Variants in SPTA1 observed in about 807,000 individuals in gnomAD.
SPTA1 encodes spectrin alpha, erythrocytic 1, also known as spectrin alpha chain, erythrocytic 1.
A neutral mutation model predicts 324.7 loss-of-function variants in SPTA1; 177 were observed. The observed-to-expected ratio is 0.55, with a 90% CI of 0.48 to 0.62. The LOEUF (loss-of-function observed/expected upper bound fraction) is 0.62, where lower values mean the gene tolerates loss of function less well. Ranked by LOEUF, SPTA1 falls within the 20% of genes least tolerant of loss-of-function variation. The pLI is 0.00. For synonymous variants in SPTA1, 1,195 were observed against 1,041.3 expected, an observed-to-expected ratio of 1.15 and a Z score of -2.84; for missense variants, 3,162 against 2,883.6, an observed-to-expected ratio of 1.10 and a Z score of -2.21.
Position 158,642,900 on chromosome 1 carries a change from G to T in SPTA1, c.4519C>A (p.Arg1507=), listed in dbSNP as rs1651716612. Residue 1507 remains arginine (R), a synonymous_variant, in exon 32 of 52, where the codon CGA becomes AGA. Transcript: ENST00000643759. ...GDYANLKQFY[R]DLEELEEWIS... is the part of the protein sequence containing the mutation. The stretch of plus-strand genomic sequence containing the variant: ...CATTCTTCCAGCTCCTCAAGGTCTC[G>T]GTAGAATTGTTTTAGGTTGGCATAG... 2 of 1,613,778 alleles carry T rather than the reference G, an allele frequency of 1.2e-6. No homozygotes were observed. Among genetic ancestry groups the T allele is most frequent in the Non-Finnish European group, 8.5e-7 (1 of 1,179,856 alleles).
At chr1:158,658,865 A>G (rs1653011724) in intron 18 of SPTA1, among the ~76,000 whole-genome samples, 1 of 152,198 alleles carries the variant, frequency 6.6e-6, no homozygotes, top group Non-Finnish European at 1.5e-5. Context: ...ACTGGAAGAA[A>G]GAAGTTGTCA....
intron 1 of SPTA1, among the ~76,000 whole-genome samples, chr1:158,686,179 G>C (rs187272221): frequency 6.6e-6 from 1 of 152,272 alleles, no homozygotes; most frequent in Admixed American, 6.5e-5. Flanking sequence ...GCTACTCTGT[G>C]AATTGCCATT....
At chr1:158,650,687 C>G (rs861409) in intron 24 of SPTA1, among the ~76,000 whole-genome samples, 60,011 of 151,954 alleles carry the variant, frequency 0.39, 14,816 homozygotes, top group African/African-American at 0.7. Context: ...AGAATTTCTT[C>G]TGTGTGTGAC....
Position 158,634,805 on chromosome 1 carries a change from C to A in SPTA1, c.5433-130G>T, listed in dbSNP as rs1215539345. ...CAAGGCAGCCACAGTTGAAGTGGGC[C>A]TCAACACAGTATAATAGGTGCCTAC... On this transcript the variant is annotated intron_variant, in intron 38 of 51. Coordinates refer to ENST00000643759, the MANE Select transcript of SPTA1 (RefSeq NM_003126.4). The A allele has an allele frequency of 2.9e-6, 3 of 1,034,238 alleles. No individual in the cohort carries two copies. In the African/African-American group the frequency reaches 4.7e-5, roughly 16 times the overall value. The allele number at this position is 1,034,238 out of a possible 1,614,324, so 64.1% of individuals were successfully genotyped here.
At chr1:158,625,579 A>C (rs11265037) in intron 42 of SPTA1, among the ~76,000 whole-genome samples, 5 of 151,788 alleles carry the variant, frequency 3.3e-5, no homozygotes, top group Admixed American at 3.3e-4. Flanking sequence ...AAATATCAAA[A>C]AGATAATGAG....
Position 158,642,549 on chromosome 1 carries a change from G to C in SPTA1, c.4606-7C>G. ...GGTGTTTCAGGTATTTCCTCTGAAG[G>C]GAAAATGAAACAGAAATTATATTAT... On this transcript the variant is annotated splice_polypyrimidine_tract_variant and splice_region_variant and intron_variant, in intron 32 of 51. Transcript: ENST00000643759. 6.2e-7 allele frequency: 1 copy of C among 1,613,292 alleles called. No homozygotes were observed.
At chr1:158,614,772 C>T (rs2101748709) in intron 48 of SPTA1, 1 of 186,570 alleles carries the variant, frequency 5.4e-6, no homozygotes, top group South Asian at 1.2e-4. Flanking sequence ...AAAATGTTGC[C>T]AAAATGCTAT....
chr1:158,679,005 T>C (rs1001580614), intron 5 of SPTA1, among the ~76,000 whole-genome samples: 1 of 152,184 alleles, frequency 6.6e-6, no homozygotes, highest in African/African-American at 2.4e-5. Flanking sequence ...AGACACGTGC[T>C]TTCACGTATG....
In SPTA1 at chr1:158,613,845, C is replaced by A. The variant is rs1282563391; in HGVS notation, c.6865G>T (p.Gly2289Trp). ...CGGAACTCTTTGTGAGTCAGGCGCCCTGTCAAATTCTCATCAAAGTGTCTA... is the reference window on the plus strand; with the variant it reads ...CGGAACTCTTTGTGAGTCAGGCGCCATGTCAAATTCTCATCAAAGTGTCTA... ...IYKHFDENLTGRLTHKEFRSC... is the reference protein window; with the variant it reads ...IYKHFDENLTWRLTHKEFRSC... Residue 2289 changes from glycine to tryptophan, a missense_variant, in exon 50 of 52, where the codon GGG becomes TGG. By Grantham distance (184) the Gly-to-Trp change is radical. Transcript: ENST00000643759. 1.9e-6 allele frequency: 3 copies of A among 1,613,534 alleles called. No individual in the cohort carries two copies. Among genetic ancestry groups the A allele is most frequent in the Non-Finnish European group, 8.5e-7 (1 of 1,179,874 alleles).
chr1:158,664,077 G>T (rs1557974023), intron 16 of SPTA1, among the ~76,000 whole-genome samples: 1 of 152,198 alleles, frequency 6.6e-6, no homozygotes, highest in Non-Finnish European at 1.5e-5. Flanking sequence ...TACTCTGTGA[G>T]TAGGAGTGTA....
chr1:158,643,593 G>A (rs1651778141), intron 30 of SPTA1, among the ~76,000 whole-genome samples, 168 bp from the exon 31 acceptor site: 1 of 152,094 alleles, frequency 6.6e-6, no homozygotes, highest in Non-Finnish European at 1.5e-5. Flanking sequence ...CTTAATAGGA[G>A]GAGAAACATC....
rs374442926 is a variant in SPTA1, at chr1:158,667,994, C to A, written c.1902G>T (p.Lys634Asn). ...QVFEKELAVN[K>N]TQLENIQKTG... ...TTTTCTGTATGTTTTCCAGCTGGGT[C>A]TTATTAACTGCCAACTCCTTTTCAA... The change falls in exon 15 of 52, where the codon AAG becomes AAT. Residue 634 changes from lysine to asparagine, a missense_variant. By Grantham distance (94) the Lys-to-Asn change is moderately conservative (BLOSUM62 0). Transcript: ENST00000643759. 71 of 1,612,274 alleles carry A rather than the reference C, an allele frequency of 4.4e-5. No individual in the cohort carries two copies. Among genetic ancestry groups the A allele is most frequent in the Non-Finnish European group, 5.8e-5 (68 of 1,179,792 alleles).
intron 1 of SPTA1, 48 bp downstream of exon 1, chr1:158,686,445 TC>T (rs747596244): frequency 7.9e-7 from 1 of 1,273,516 alleles, no homozygotes; most frequent in Non-Finnish European, 1.1e-6. Context: ...GAAACATCTT[TC>T]CTAATAATAT....
At chr1:158,639,320 A>C (rs1244242369) in intron 35 of SPTA1, 3 of 497,960 alleles carry the variant, frequency 6.0e-6, no homozygotes, top group Non-Finnish European at 1.1e-5. Flanking sequence ...ATATGTATGC[A>C]TCAGTAAAAG....
chr1:158,674,757 G>T (rs976100095), intron 8 of SPTA1, 82 bp from the exon 9 acceptor site: 2 of 1,571,056 alleles, frequency 1.3e-6, no homozygotes, highest in Non-Finnish European at 8.7e-7. Flanking sequence ...TTTGGGGTGA[G>T]GTAAGATGTG....
intron 16 of SPTA1, among the ~76,000 whole-genome samples, chr1:158,664,113 A>G (rs1653430155): frequency 6.6e-6 from 1 of 152,240 alleles, no homozygotes; most frequent in African/African-American, 2.4e-5. Flanking sequence ...TGTGGAAGAC[A>G]GTTTGGTGAT....
rs747547662 is a variant in SPTA1, at chr1:158,626,158, A to G, written c.5898T>C (p.Leu1966=). ...CTATCAATCTCACCTGTTTTGCCAGAAGAGTGAGGAAGTCACCAAGGTCTG... is the reference window on the plus strand; with the variant it reads ...CTATCAATCTCACCTGTTTTGCCAGGAGAGTGAGGAAGTCACCAAGGTCTG... The part of the protein sequence containing the change: ...NGADLGDFLT[L]LAKQDTLDAS... Residue 1966 remains leucine (L), a synonymous_variant, in exon 42 of 52, where the codon CTT becomes CTC. Transcript: ENST00000643759. 15 of 1,613,778 alleles carry G rather than the reference A, an allele frequency of 9.3e-6. No homozygotes were observed. The highest frequency in any genetic ancestry group is 1.7e-4 in the Middle Eastern group (1 of 6,058).
chr1:158,656,750 T>C, intron 19 of SPTA1, 94 bp from the exon 20 acceptor site: 1 of 1,218,228 alleles, frequency 8.2e-7, no homozygotes, highest in East Asian at 2.3e-5. Flanking sequence ...TTGTCTTAAA[T>C]CCTGGTAAAA....
At chr1:158,614,382 A>G in intron 48 of SPTA1, 76 bp from the exon 49 acceptor site, 1 of 1,067,326 alleles carries the variant, frequency 9.4e-7, no homozygotes, top group South Asian at 1.3e-5. Context: ...CACATGGAAG[A>G]GAGAGGAATT....
Sources: allele counts gnomAD v4.1 joint callset (sites outside exome capture counted in the v4.1 genomes callset), GRCh38; gene constraint gnomAD v4.1.1; transcripts MANE v1.5; gene names NCBI Gene and HGNC (gene_info 2026-07-23, HGNC 2026-07-21).